RYR2: variants seen among roughly 807,000 people sequenced by gnomAD.
RYR2 encodes the protein ryanodine receptor 2.
RYR2 carries 227 observed loss-of-function variants against 601.1 expected under a neutral mutation model. That is an observed-to-expected ratio of 0.38 (90% CI 0.34 to 0.42). RYR2 has a LOEUF of 0.42. RYR2 is among the 10% of genes least tolerant of loss of function. RYR2 has a pLI of 1.00. For missense variants in RYR2, 4,646 were observed against 6,156.5 expected (o/e 0.75, Z 8.21); for synonymous variants, 2,223 against 2,175.1 (o/e 1.02, Z -0.61).
chr1:237,290,537 G>T (rs1692082677), intron 2 of RYR2, among the ~76,000 whole-genome samples: 1 of 152,136 alleles, frequency 6.6e-6, no homozygotes, highest in Non-Finnish European at 1.5e-5. Context: ...CAATAAAGCT[G>T]ATTTTAAAGT....
intron 1 of RYR2, among the ~76,000 whole-genome samples, chr1:237,133,820 G>A (rs886251470): frequency 5.9e-5 from 9 of 151,558 alleles, no homozygotes; most frequent in Non-Finnish European, 8.8e-5. Context: ...AGCTACTCAG[G>A]AGGCTGAGGC....
chr1:237,369,361 C>T (rs372770141), intron 5 of RYR2, among the ~76,000 whole-genome samples, 173 bp from the exon 6 acceptor site: 1 of 152,196 alleles, frequency 6.6e-6, no homozygotes, highest in Admixed American at 6.5e-5. Flanking sequence ...GTTACATTAA[C>T]TTTACTCCAA....
chr1:237,360,049 A>G (rs1339556255), intron 4 of RYR2, among the ~76,000 whole-genome samples: 1 of 152,238 alleles, frequency 6.6e-6, no homozygotes, highest in East Asian at 1.9e-4. Context: ...AATTGTTAAA[A>G]TCCATAATCA....
intron 27 of RYR2, among the ~76,000 whole-genome samples, chr1:237,558,698 C>A (rs1239475710): frequency 2.0e-5 from 3 of 152,124 alleles, no homozygotes; most frequent in Non-Finnish European, 4.4e-5. Context: ...TCTTTCTTCT[C>A]TTTTCTGTCT....
Position 237,718,380 on chromosome 1 carries a change from A to G in RYR2, c.10495-82A>G, listed in dbSNP as rs534587889. On this transcript the variant is annotated intron_variant, in intron 72 of 104. Coordinates refer to ENST00000366574, the MANE Select transcript of RYR2 (RefSeq NM_001035.3). The stretch of plus-strand genomic sequence containing the variant: ...GTTTCTCAGACGTATACTATTTCAA[A>G]AAAGGTTTGGATTGTTTCTATTGAC... 1.0e-4 allele frequency: 72 copies of G among 698,862 alleles called. No individual in the cohort carries two copies. In the African/African-American group the frequency reaches 1.2e-3, roughly 12 times the overall value. 43.3% of individuals were successfully genotyped at this position (698,862 alleles called of 1,614,324 possible).
intron 2 of RYR2, among the ~76,000 whole-genome samples, chr1:237,275,517 A>G (rs1210696922): frequency 2.0e-5 from 3 of 152,276 alleles, no homozygotes; most frequent in Non-Finnish European, 2.9e-5. Context: ...GCCAAAGGGT[A>G]CATTTCTCAA....
At chr1:237,619,229 A>G (rs1000366265) in intron 38 of RYR2, among the ~76,000 whole-genome samples, 1 of 152,256 alleles carries the variant, frequency 6.6e-6, no homozygotes, top group African/African-American at 2.4e-5. Flanking sequence ...GATAACAAAG[A>G]TGTTAAAATT....
intron 4 of RYR2, among the ~76,000 whole-genome samples, chr1:237,356,398 A>C (rs1699295963): frequency 6.6e-6 from 1 of 151,656 alleles, no homozygotes; most frequent in Admixed American, 6.6e-5. Context: ...GAAGAAGACA[A>C]TTATATATAT....
chr1:237,152,695 A>G (rs1184107351), intron 1 of RYR2, among the ~76,000 whole-genome samples: 2 of 152,238 alleles, frequency 1.3e-5, no homozygotes, highest in Non-Finnish European at 2.9e-5. Context: ...ACCCAAAACC[A>G]TAAAAACCCC....
At chr1:237,548,314 T>C in intron 25 of RYR2, 117 bp from the exon 26 acceptor site, 1 of 1,000,556 alleles carries the variant, frequency 1.0e-6, no homozygotes, top group Non-Finnish European at 1.5e-6. Flanking sequence ...ACTTCACCAC[T>C]GGTTACCACT....
At chr1:237,265,418 T>C (rs1336262854) in intron 1 of RYR2, among the ~76,000 whole-genome samples, 1 of 151,800 alleles carries the variant, frequency 6.6e-6, no homozygotes, top group Non-Finnish European at 1.5e-5. Flanking sequence ...GCCTCCCGGG[T>C]TCAAGAGATT....
At chr1:237,222,315 A>T (rs1683895267) in intron 1 of RYR2, among the ~76,000 whole-genome samples, 1 of 151,718 alleles carries the variant, frequency 6.6e-6, no homozygotes, top group South Asian at 2.1e-4. Flanking sequence ...CGGGAGGCTG[A>T]GGCAGGAGAA....
chr1:237,769,679 C>T (rs921029327), intron 84 of RYR2, among the ~76,000 whole-genome samples: 2 of 151,596 alleles, frequency 1.3e-5, no homozygotes, highest in East Asian at 1.9e-4. Context: ...AGTAAACATA[C>T]GATCATTGCC....
intron 2 of RYR2, among the ~76,000 whole-genome samples, chr1:237,292,712 C>T (rs1692363675): frequency 6.6e-6 from 1 of 152,096 alleles, no homozygotes; most frequent in East Asian, 1.9e-4. Context: ...CAAGGTTACA[C>T]GTTAAAATTC....
At chr1:237,187,422 T>A (rs1679477779) in intron 1 of RYR2, among the ~76,000 whole-genome samples, 1 of 134,412 alleles carries the variant, frequency 7.4e-6, no homozygotes, top group African/African-American at 2.8e-5. Flanking sequence ...ATTACAGGCG[T>A]GAGCCAACAC....
chr1:237,308,935 G>A lies in RYR2; in HGVS notation c.169-21943G>A, dbSNP rs577346154. Among the ~76,000 whole-genome samples the A allele has an allele frequency of 1.1e-3, 162 of 152,318 alleles. 1 individual carries two copies. The South Asian group carries it at 0.033, about 31-fold the overall frequency. On this transcript the variant is annotated intron_variant, in intron 2 of 104. Transcript: ENST00000366574. ...GTCCATTTTGACAGGGTGCTGATTG[G>A]TGCGTTTAGAATCCCTGAGTTAGAC...
At chr1:237,675,546 T>G (rs12097238) in intron 60 of RYR2, among the ~76,000 whole-genome samples, 4,214 of 152,272 alleles carry the variant, frequency 0.028, 187 homozygotes, top group African/African-American at 0.094. Context: ...TTCCAGTTTG[T>G]TCCCTTTTGA....
intron 2 of RYR2, among the ~76,000 whole-genome samples, chr1:237,284,675 T>C (rs1202380741): frequency 2.5e-4 from 8 of 31,804 alleles, no homozygotes; most frequent in African/African-American, 1.0e-3. Flanking sequence ...CATATATATA[T>C]ATATATGTAC....
intron 98 of RYR2, among the ~76,000 whole-genome samples, chr1:237,804,952 A>G (rs1194720360): frequency 6.6e-6 from 1 of 152,154 alleles, no homozygotes; most frequent in Non-Finnish European, 1.5e-5. Flanking sequence ...ATGTTTGGCA[A>G]TGTCTGGAGA....
Sources: gnomAD v4.1 joint callset for allele counts (sites outside exome capture counted in the v4.1 genomes callset) on GRCh38, gnomAD v4.1.1 for gene constraint, MANE v1.5 for transcripts, NCBI Gene and HGNC (gene_info 2026-07-23, HGNC 2026-07-21) for gene names.